The following ADAM10 variants were observed in gnomAD, a reference collection of about 807,000 sequenced individuals.
ADAM10 encodes the protein disintegrin and metalloproteinase domain-containing protein 10.
In ADAM10, 17 loss-of-function variants were observed where a neutral mutation model predicts 90.1. The ratio of observed to expected loss-of-function variants is 0.19; its 90% CI spans 0.13 to 0.28. The LOEUF (loss-of-function observed/expected upper bound fraction) is 0.28, where lower values mean the gene tolerates loss of function less well. ADAM10 is among the 10% of genes least tolerant of loss of function. The pLI is 1.00. For missense variants in ADAM10, 610 were observed against 914.3 expected, an observed-to-expected ratio of 0.67 and a Z score of 4.29; for synonymous variants, 310 against 298.6, an observed-to-expected ratio of 1.04 and a Z score of -0.40.
At chr15:58,727,631 T>C (rs1323120787) in intron 1 of ADAM10, among the ~76,000 whole-genome samples, 18 of 152,186 alleles carry the variant, frequency 1.2e-4, no homozygotes, top group African/African-American at 2.9e-4. Context: ...CACGCCAGCC[T>C]TGTTATTTTT....
chr15:58,652,459 G>A (rs1026003055), intron 5 of ADAM10, among the ~76,000 whole-genome samples: 3 of 152,028 alleles, frequency 2.0e-5, no homozygotes, highest in Non-Finnish European at 2.9e-5. Context: ...CTCTGCATAC[G>A]GATATCCAGT....
intron 4 of ADAM10, among the ~76,000 whole-genome samples, chr15:58,665,843 T>G (rs1897069501): frequency 6.6e-6 from 1 of 152,082 alleles, no homozygotes; most frequent in Non-Finnish European, 1.5e-5. Flanking sequence ...TGTCAGTCTC[T>G]CTGACACCAC....
At chr15:58,647,248 A>ATTTT (rs67378373) in intron 5 of ADAM10, among the ~76,000 whole-genome samples, 1,123 of 59,514 alleles carry the variant, frequency 0.019, 358 homozygotes, top group Middle Eastern at 0.036. Context: ...GACACTAAGT[A>ATTTT]TTTTTTTTTT....
chr15:58,654,700 C>G (rs1184817535), intron 5 of ADAM10, among the ~76,000 whole-genome samples: 1 of 152,160 alleles, frequency 6.6e-6, no homozygotes, highest in African/African-American at 2.4e-5. Flanking sequence ...TTTCCATTAT[C>G]GTTTGTTTCA....
Position 58,624,095 on chromosome 15 carries a change from C to A in ADAM10, c.1361-2474G>T, listed in dbSNP as rs1002132435. The stretch of plus-strand genomic sequence containing the variant: ...GGTCAAGAGATTGAGACCATCCTGG[C>A]CAACATGGTAAAACCCCGTCTCTCC... On this transcript the variant is annotated intron_variant, in intron 10 of 15. Transcript: ENST00000260408. Among the ~76,000 whole-genome samples the A allele has an allele frequency of 5.9e-5, 9 of 151,948 alleles. 1 individual carries two copies. Among genetic ancestry groups the A allele is most frequent in the Admixed American group, 5.9e-4 (9 of 15,266 alleles).
intron 5 of ADAM10, among the ~76,000 whole-genome samples, chr15:58,647,556 C>CCAA (rs1176569682): frequency 6.6e-6 from 1 of 150,608 alleles, no homozygotes; most frequent in African/African-American, 2.4e-5. Flanking sequence ...ACCACCCCCG[C>CCAA]CAAGTATTTC....
intron 9 of ADAM10, among the ~76,000 whole-genome samples, chr15:58,630,110 TAAC>T (rs1307234216): frequency 2.0e-5 from 3 of 152,148 alleles, no homozygotes; most frequent in African/African-American, 7.2e-5. Context: ...TCTTTCAGCT[TAAC>T]AGTATAAAAT....
At chr15:58,697,382 G>A (rs1289163379) in intron 2 of ADAM10, among the ~76,000 whole-genome samples, 3 of 152,044 alleles carry the variant, frequency 2.0e-5, no homozygotes, top group Non-Finnish European at 4.4e-5. Context: ...GGGCCATGGG[G>A]ATCACCCCAC....
intron 1 of ADAM10, among the ~76,000 whole-genome samples, chr15:58,720,400 TTTTA>T (rs1270607171): frequency 9.3e-4 from 18 of 19,332 alleles, no homozygotes; most frequent in African/African-American, 1.3e-3. Context: ...TTTTATTTTA[TTTTA>T]TTTTTTTTTT....
intron 5 of ADAM10, among the ~76,000 whole-genome samples, chr15:58,654,514 G>A (rs573413454): frequency 9.2e-5 from 14 of 152,074 alleles, no homozygotes; most frequent in Non-Finnish European, 1.6e-4. Flanking sequence ...AAGGACCTGG[G>A]ACTACAGGCA....
At chr15:58,693,705 A>T (rs12911832) in intron 2 of ADAM10, among the ~76,000 whole-genome samples, 57,908 of 149,372 alleles carry the variant, frequency 0.39, 12,478 homozygotes, top group East Asian at 0.84. Flanking sequence ...AAAGAAAAAA[A>T]TTTTTTCATT....
chr15:58,742,883 C>T (rs1284386399), intron 1 of ADAM10, among the ~76,000 whole-genome samples: 1 of 152,076 alleles, frequency 6.6e-6, no homozygotes, highest in East Asian at 1.9e-4. Flanking sequence ...CATAGTGAGA[C>T]CTCATCTCTA....
At chr15:58,627,357 G>A (rs1381406160) in intron 10 of ADAM10, among the ~76,000 whole-genome samples, 1 of 152,130 alleles carries the variant, frequency 6.6e-6, no homozygotes, top group East Asian at 1.9e-4. Flanking sequence ...AAAGGTAAAT[G>A]CATCTGTCAA....
intron 5 of ADAM10, among the ~76,000 whole-genome samples, chr15:58,662,096 T>C (rs1896981948): frequency 6.6e-6 from 1 of 152,238 alleles, no homozygotes; most frequent in South Asian, 2.1e-4. Context: ...TTCAGTTTCT[T>C]GTCATCTAGT....
chr15:58,638,614 CAA>C (rs60048171), intron 8 of ADAM10, among the ~76,000 whole-genome samples: 21,860 of 77,874 alleles, frequency 0.28, 2,105 homozygotes, highest in African/African-American at 0.44. Flanking sequence ...CACTCTGTCT[CAA>C]AAAAAAAAAA....
At chr15:58,632,316 G>A (rs1374862513) in intron 9 of ADAM10, among the ~76,000 whole-genome samples, 1 of 152,076 alleles carries the variant, frequency 6.6e-6, no homozygotes, top group Admixed American at 6.5e-5. Flanking sequence ...ATTTTTTCAG[G>A]AATGTGTACT....
chr15:58,620,393 G>C (rs1895743899), intron 11 of ADAM10, among the ~76,000 whole-genome samples: 1 of 151,916 alleles, frequency 6.6e-6, no homozygotes, highest in Admixed American at 6.6e-5. Context: ...CTTGAACCTG[G>C]GAGGCAGAGG....
At chr15:58,638,840 T>C (rs9920720) in intron 8 of ADAM10, among the ~76,000 whole-genome samples, 43,616 of 151,860 alleles carry the variant, frequency 0.29, 8,850 homozygotes, top group African/African-American at 0.57. Context: ...ATATACCTCA[T>C]CAGTACTCCT....
intron 2 of ADAM10, among the ~76,000 whole-genome samples, chr15:58,701,703 C>G (rs188356433): frequency 2.6e-5 from 4 of 152,254 alleles, no homozygotes; most frequent in African/African-American, 9.6e-5. Flanking sequence ...TAGTGCAGGA[C>G]TATTTACAAT....
Sources: gnomAD v4.1 joint callset for allele counts (sites outside exome capture counted in the v4.1 genomes callset) on GRCh38, gnomAD v4.1.1 for gene constraint, MANE v1.5 for transcripts, NCBI Gene and HGNC (gene_info 2026-07-23, HGNC 2026-07-21) for gene names.